Variants in MTR observed in about 807,000 individuals in gnomAD.
The protein encoded by MTR is 5-methyltetrahydrofolate-homocysteine methyltransferase.
In MTR, 84 loss-of-function variants were observed where a neutral mutation model predicts 154.8. The observed-to-expected ratio is 0.54, with a 90% CI of 0.45 to 0.65. The LOEUF is 0.65. MTR is among the 30% of genes least tolerant of loss of function. The pLI, the probability that MTR is intolerant of heterozygous loss-of-function variation, is 0.00. For synonymous variants in MTR, 554 were observed against 553.9 expected, an observed-to-expected ratio of 1.00 and a Z score of 0.00; for missense variants, 1,275 against 1,570.2, an observed-to-expected ratio of 0.81 and a Z score of 3.18.
rs1453097174 is a variant in MTR at position 236,898,968 on chromosome 1, A to G, written c.*1324A>G. ...TGCATGCAAAATATACACTCATCCT[A>G]CTTCAAGATGGTGGTGGCAATAGTC... On this transcript the variant is annotated 3_prime_UTR_variant, in exon 33 of 33. Transcript: ENST00000366577. The G allele has an allele frequency of 6.6e-6, 1 of 152,226 alleles. No individual in the cohort carries two copies. The highest frequency in any genetic ancestry group is 1.5e-5 in the Non-Finnish European group (1 of 68,040). 9.4% of individuals were successfully genotyped at this position (152,226 alleles called of 1,614,324 possible). A position where few individuals can be genotyped will look rare whatever the true frequency, so the allele number is the denominator to read the frequency against.
At chr1:236,874,020 G>A (rs1047977808) in intron 23 of MTR, among the ~76,000 whole-genome samples, 180 bp downstream of exon 23, 4 of 152,154 alleles carry the variant, frequency 2.6e-5, no homozygotes, top group African/African-American at 4.8e-5. Flanking sequence ...GTTGAGAGAC[G>A]AGAATGAGTA....
intron 27 of MTR, among the ~76,000 whole-genome samples, chr1:236,888,228 A>G (rs928902613): frequency 3.3e-5 from 5 of 152,212 alleles, no homozygotes; most frequent in Admixed American, 2.6e-4. Flanking sequence ...GTAGAGAGAC[A>G]GGAAGGCTCG....
chr1:236,852,467 T>C (rs1663964888), intron 16 of MTR, 54 bp from the exon 17 acceptor site: 22 of 1,274,570 alleles, frequency 1.7e-5, no homozygotes, highest in Middle Eastern at 1.9e-4. Flanking sequence ...AGAGATGTGA[T>C]TGCTGTTTTT....
intron 12 of MTR, among the ~76,000 whole-genome samples, chr1:236,830,711 A>G (rs1170337345): frequency 6.6e-6 from 1 of 152,116 alleles, no homozygotes; most frequent in Non-Finnish European, 1.5e-5. Context: ...CTGTCCTGGG[A>G]ACCTCAGGGT....
intron 16 of MTR, 137 bp from the exon 17 acceptor site, chr1:236,852,384 C>G: frequency 1.4e-6 from 1 of 722,240 alleles, no homozygotes; most frequent in Non-Finnish European, 2.4e-6. Flanking sequence ...TGTCTAGTAA[C>G]AAGAAGCTCT....
chr1:236,796,343 C>T (rs1660387303), intron 1 of MTR, among the ~76,000 whole-genome samples: 1 of 152,080 alleles, frequency 6.6e-6, no homozygotes, highest in African/African-American at 2.4e-5. Context: ...CTGGGATCAA[C>T]AGTGAGAAAA....
Position 236,829,275 on chromosome 1 carries a change from C to T in MTR, c.1075+7C>T, listed in dbSNP as rs202157685. ...GGACATATGTTACTGTCTGGTGAGTCATAAAGACCTGGTATTCCTGATTGC... is the reference window on the plus strand; with the variant it reads ...GGACATATGTTACTGTCTGGTGAGTTATAAAGACCTGGTATTCCTGATTGC... On this transcript the variant is annotated splice_region_variant and intron_variant, in intron 12 of 32. Transcript: ENST00000366577. The T allele has an allele frequency of 1.3e-4, 204 of 1,608,934 alleles. No homozygotes were observed. In the Middle Eastern group the frequency reaches 1.7e-3, roughly 13 times the overall value.
chr1:236,832,100 C>T, intron 13 of MTR, 22 bp downstream of exon 13: 1 of 1,553,396 alleles, frequency 6.4e-7, no homozygotes, highest in Non-Finnish European at 8.9e-7. Flanking sequence ...AATAAGACCC[C>T]TGAGGCATCT....
At chr1:236,882,324 T>C (rs1665781661) in intron 25 of MTR, among the ~76,000 whole-genome samples, 1 of 152,160 alleles carries the variant, frequency 6.6e-6, no homozygotes, top group African/African-American at 2.4e-5. Flanking sequence ...AGTGCCAACC[T>C]TTCCTCTATA....
At chr1:236,876,413 G>A (rs556876573) in intron 24 of MTR, among the ~76,000 whole-genome samples, 3 of 152,322 alleles carry the variant, frequency 2.0e-5, no homozygotes, top group East Asian at 3.9e-4. Context: ...TTAATAATGG[G>A]TTTTGATGAG....
intron 15 of MTR, among the ~76,000 whole-genome samples, chr1:236,844,070 A>G (rs141089764): frequency 4.4e-4 from 67 of 152,308 alleles, no homozygotes; most frequent in African/African-American, 1.6e-3. Context: ...CACAGTGCTT[A>G]GGGCACTGGG....
chr1:236,806,043 AAAGGTAGCTGCTGAT>A, intron 2 of MTR, 86 bp from the exon 3 acceptor site: 2 of 980,376 alleles, frequency 2.0e-6, no homozygotes, highest in Middle Eastern at 2.4e-4. Flanking sequence ...TAAATGGTCA[AAAGGTAGCTGCTGAT>A]AATGGTGGTA....
intron 1 of MTR, among the ~76,000 whole-genome samples, chr1:236,796,615 CT>C (rs1363238018): frequency 1.4e-5 from 2 of 141,378 alleles, no homozygotes; most frequent in African/African-American, 6.3e-5. Context: ...TCTCTTGATT[CT>C]TGGGTTCTGA....
At chr1:236,867,486 C>T (rs1156871806) in intron 22 of MTR, among the ~76,000 whole-genome samples, 1 of 152,196 alleles carries the variant, frequency 6.6e-6, no homozygotes, top group Non-Finnish European at 1.5e-5. Context: ...ATATTGTTTT[C>T]ATGCCTGCTA....
At chr1:236,820,216 CG>C in intron 8 of MTR, 1 of 757,046 alleles carries the variant, frequency 1.3e-6, no homozygotes, top group Non-Finnish European at 2.4e-6. Flanking sequence ...TGAACACTTG[CG>C]GGAGGTCATG....
At chr1:236,822,680 A>G (rs1662037792) in intron 8 of MTR, among the ~76,000 whole-genome samples, 1 of 152,118 alleles carries the variant, frequency 6.6e-6, no homozygotes, top group South Asian at 2.1e-4. Context: ...TTGTATAGTT[A>G]CCTTGTATTT....
At chr1:236,859,791 G>C in intron 18 of MTR, 42 bp from the exon 19 acceptor site, 1 of 1,476,004 alleles carries the variant, frequency 6.8e-7, no homozygotes, top group African/African-American at 1.4e-5. Context: ...AGTTTGGTTA[G>C]TGATGAGTTG....
At chr1:236,808,053 C>G (rs571400356) in intron 3 of MTR, among the ~76,000 whole-genome samples, 1 of 152,244 alleles carries the variant, frequency 6.6e-6, no homozygotes, top group East Asian at 1.9e-4. Flanking sequence ...CTTAGGAATT[C>G]AAAGGAACTT....
chr1:236,881,400 A>G (rs867948451), intron 25 of MTR, among the ~76,000 whole-genome samples: 9 of 152,146 alleles, frequency 5.9e-5, no homozygotes, highest in South Asian at 2.1e-4. Context: ...ATAATGGGAT[A>G]TAACAGCTGG....
Sources: gnomAD v4.1 joint callset for allele counts (sites outside exome capture counted in the v4.1 genomes callset) on GRCh38, gnomAD v4.1.1 for gene constraint, MANE v1.5 for transcripts, NCBI Gene and HGNC (gene_info 2026-07-23, HGNC 2026-07-21) for gene names.